PNPT1: variants seen among roughly 807,000 people sequenced by gnomAD.
The protein encoded by PNPT1 is polyribonucleotide nucleotidyltransferase 1, also known as polyribonucleotide nucleotidyltransferase 1, mitochondrial.
In PNPT1, 53 loss-of-function variants were observed where a neutral mutation model predicts 119.5. That is an observed-to-expected ratio of 0.44 (90% CI 0.36 to 0.56). The LOEUF (loss-of-function observed/expected upper bound fraction) is 0.56, where lower values mean the gene tolerates loss of function less well. Among genes scored for constraint, PNPT1 ranks in the 20% least tolerant of loss-of-function variants. The pLI is 0.00. For missense variants in PNPT1, 948 were observed against 938.5 expected (o/e 1.01, Z -0.13); for synonymous variants, 357 against 322.1 (o/e 1.11, Z -1.16).
chr2:55,645,200 T>C (rs1033787655), intron 22 of PNPT1, 149 bp downstream of exon 22: 3 of 461,404 alleles, frequency 6.5e-6, no homozygotes, highest in Admixed American at 4.1e-5. Flanking sequence ...ATTTTTTGTA[T>C]TTTTTAGTAG....
intron 21 of PNPT1, among the ~76,000 whole-genome samples, chr2:55,645,923 G>A (rs1695986781): frequency 6.6e-6 from 1 of 152,010 alleles, no homozygotes; most frequent in Non-Finnish European, 1.5e-5. Flanking sequence ...TGCCTCCTGG[G>A]CTCAAGCGAT....
Position 55,672,039 on chromosome 2 carries a change from TAGC to T in PNPT1, c.871_873del (p.Ala291del). 6.3e-7 allele frequency: 1 copy of T among 1,597,040 alleles called. No individual in the cohort carries two copies. Among genetic ancestry groups the T allele is most frequent in the Non-Finnish European group, 8.5e-7 (1 of 1,171,994 alleles). On this transcript the variant is annotated inframe_deletion, in exon 10 of 28. Coordinates refer to ENST00000447944, the MANE Select transcript of PNPT1 (RefSeq NM_033109.5). ...GTAAAAACTGCATAGAGTCTCTCCA[TAGC>T]AAGTCTATTTAAGCAGAAAATAAAT...
intron 5 of PNPT1, 64 bp downstream of exon 5, chr2:55,683,721 T>G: frequency 1.4e-6 from 2 of 1,420,618 alleles, no homozygotes; most frequent in Non-Finnish European, 2.0e-6. Context: ...TAGGAAATAT[T>G]ACAGAGATTC....
intron 19 of PNPT1, 113 bp downstream of exon 19, chr2:55,647,234 C>CG: frequency 1.3e-6 from 1 of 772,238 alleles, no homozygotes; most frequent in Non-Finnish European, 2.0e-6. Context: ...TCTAAGCATA[C>CG]GCTAGGTGCA....
chr2:55,683,730 T>C lies in PNPT1; in HGVS notation c.453+55A>G. ...TTACTCTAGGAAATATTACAGAGATTCATTAAGTAATTTTTGATTGATCTG... is the reference window on the plus strand; with the variant it reads ...TTACTCTAGGAAATATTACAGAGATCCATTAAGTAATTTTTGATTGATCTG... On this transcript the variant is annotated intron_variant, in intron 5 of 27. Coordinates refer to ENST00000447944, the MANE Select transcript of PNPT1 (RefSeq NM_033109.5). 2.7e-6 allele frequency: 4 copies of C among 1,461,196 alleles called. 1 individual carries two copies. The South Asian group carries it at 4.8e-5, about 17-fold the overall frequency. The allele number at this position is 1,461,196 out of a possible 1,614,324, so 90.5% of individuals were successfully genotyped here.
At chr2:55,668,829 A>T (rs922874482) in intron 11 of PNPT1, among the ~76,000 whole-genome samples, 1 of 151,582 alleles carries the variant, frequency 6.6e-6, no homozygotes, top group African/African-American at 2.4e-5. Flanking sequence ...CGAACTCCTG[A>T]CCTCAGGTGA....
rs762383317 is a variant in PNPT1 at position 55,677,237 on chromosome 2, T to C, written c.679+2445A>G. Among the ~76,000 whole-genome samples the C allele has an allele frequency of 1.6e-3, 240 of 152,300 alleles. 1 individual carries two copies. The highest frequency in any genetic ancestry group is 3.4e-3 in the Middle Eastern group (1 of 294). On this transcript the variant is annotated intron_variant, in intron 8 of 27. Coordinates refer to ENST00000447944, the MANE Select transcript of PNPT1 (RefSeq NM_033109.5). ...ATTCTTCCCTCCTGTGAGCAACAGG[T>C]GAGAAGAGCCAGCTGGAAGTTGGCC...
intron 8 of PNPT1, among the ~76,000 whole-genome samples, chr2:55,674,419 C>T (rs1697003338): frequency 6.6e-6 from 1 of 152,050 alleles, no homozygotes; most frequent in African/African-American, 2.4e-5. Context: ...ATAGCGAGGT[C>T]CTGTCTCTAT....
At chr2:55,666,584 T>A (rs1696740738) in intron 13 of PNPT1, among the ~76,000 whole-genome samples, 2 of 152,204 alleles carry the variant, frequency 1.3e-5, no homozygotes, top group African/African-American at 4.8e-5. Context: ...CTCATGCCTG[T>A]ATCCCAGAAC....
At position 55,668,816 on chromosome 2, in the gene PNPT1, G is replaced by A. The variant is rs553760926; in HGVS notation, c.977-858C>T. 3.2e-4 allele frequency among the ~76,000 whole-genome samples: 48 copies of A among 150,124 alleles called. 1 individual carries two copies. The South Asian group carries it at 9.1e-3, about 28-fold the overall frequency. On this transcript the variant is annotated intron_variant, in intron 11 of 27. Transcript: ENST00000447944. ...GGTTTCTCCACGTTGGTCAGGCTGG[G>A]CTCGAACTCCTGACCTCAGGTGATC...
At chr2:55,662,825 C>A (rs1470688167) in intron 13 of PNPT1, among the ~76,000 whole-genome samples, 1 of 151,866 alleles carries the variant, frequency 6.6e-6, no homozygotes, top group Admixed American at 6.6e-5. Flanking sequence ...AGAATAAAGA[C>A]CAGGAATGGA....
chr2:55,692,386 G>C (rs943596560), intron 1 of PNPT1, among the ~76,000 whole-genome samples: 10 of 152,070 alleles, frequency 6.6e-5, no homozygotes, highest in Non-Finnish European at 1.0e-4. Flanking sequence ...GCGAGACCTG[G>C]ATTCAAAATG....
chr2:55,648,931 C>T (rs1482957643), intron 18 of PNPT1, among the ~76,000 whole-genome samples: 1 of 152,136 alleles, frequency 6.6e-6, no homozygotes, highest in Non-Finnish European at 1.5e-5. Flanking sequence ...GTTTTGATCA[C>T]TTGGAATTTA....
chr2:55,650,123 GCCCTCTCT>G (rs1553494825), intron 18 of PNPT1, among the ~76,000 whole-genome samples: 1 of 146,830 alleles, frequency 6.8e-6, no homozygotes, highest in Non-Finnish European at 1.5e-5. Context: ...AAAAAATCCT[GCCCTCTCT>G]CCCTCTCTCC....
At chr2:55,675,194 G>C (rs1697026062) in intron 8 of PNPT1, among the ~76,000 whole-genome samples, 1 of 152,036 alleles carries the variant, frequency 6.6e-6, no homozygotes, top group South Asian at 2.1e-4. Context: ...CTTGAGGCCA[G>C]CAGTTTCAGG....
At chr2:55,656,424 C>T in intron 15 of PNPT1, 53 bp from the exon 16 acceptor site, 1 of 1,472,288 alleles carries the variant, frequency 6.8e-7, no homozygotes, top group Non-Finnish European at 9.2e-7. Flanking sequence ...AGAAAGATGT[C>T]CAAGTTATAT....
intron 26 of PNPT1, among the ~76,000 whole-genome samples, chr2:55,640,092 G>C (rs1252818777): frequency 6.6e-6 from 1 of 151,816 alleles, no homozygotes; most frequent in Non-Finnish European, 1.5e-5. Flanking sequence ...ATCTATTTCT[G>C]GGCCGGTAAT....
chr2:55,646,778 G>GTT (rs1046794642), intron 19 of PNPT1, among the ~76,000 whole-genome samples: 4 of 127,726 alleles, frequency 3.1e-5, no homozygotes, highest in African/African-American at 1.0e-4. Flanking sequence ...CACTGTGTAA[G>GTT]TATTACTGCA....
intron 12 of PNPT1, among the ~76,000 whole-genome samples, chr2:55,667,426 C>G (rs1696767656): frequency 2.0e-5 from 3 of 151,976 alleles, no homozygotes; most frequent in Admixed American, 2.0e-4. Context: ...AACCCCGTCT[C>G]TACTAAAAAT....
Sources: allele counts gnomAD v4.1 joint callset (sites outside exome capture counted in the v4.1 genomes callset), GRCh38; gene constraint gnomAD v4.1.1; transcripts MANE v1.5; gene names NCBI Gene and HGNC (gene_info 2026-07-23, HGNC 2026-07-21).